The following EIF4A1 variants were observed in gnomAD, a reference collection of about 807,000 sequenced individuals.
The protein encoded by EIF4A1 is eukaryotic initiation factor 4A-I.
In EIF4A1, 11 loss-of-function variants were observed where a neutral mutation model predicts 53.5. The ratio of observed to expected loss-of-function variants is 0.21; its 90% CI spans 0.13 to 0.34. The LOEUF (loss-of-function observed/expected upper bound fraction) is 0.34, where lower values mean the gene tolerates loss of function less well. EIF4A1 is among the 10% of genes least tolerant of loss of function. The pLI is 1.00. For synonymous variants in EIF4A1, 237 were observed against 186.7 expected (o/e 1.27, Z -2.20); for missense variants, 213 against 530.8 (o/e 0.40, Z 5.88).
rs750329330 is a variant in EIF4A1, at chr17:7,577,938, C to T, written c.996+22C>T. The T allele has an allele frequency of 2.5e-6, 4 of 1,613,834 alleles. No individual in the cohort carries two copies. Among genetic ancestry groups the T allele is most frequent in the South Asian group, 1.1e-5 (1 of 91,070 alleles). On this transcript the variant is annotated intron_variant, in intron 9 of 10. Coordinates refer to ENST00000293831, the MANE Select transcript of EIF4A1 (RefSeq NM_001416.4). This position sits in a 1 kb window ranked among gnomAD's most constrained non-coding sequence, Gnocchi z 4.7. ...GCTGGTGAGTAGAGGGAACTGATAG[C>T]AAAGGCAGAAGGGAGGATCCAAGGT...
chr17:7,573,786 G>A (rs561124947), intron 1 of EIF4A1: 28 of 151,334 alleles, frequency 1.9e-4, no homozygotes, highest in South Asian at 1.3e-3. Context: ...GGCAACGCGA[G>A]GGGGGGGCTT....
intron 1 of EIF4A1, 77 bp from the exon 2 acceptor site, chr17:7,574,183 C>A: frequency 6.3e-7 from 1 of 1,579,178 alleles, no homozygotes; most frequent in Non-Finnish European, 8.7e-7. Context: ...GCAGGCCACT[C>A]CTGACAGAGC....
rs1435599098 is a variant in EIF4A1 at position 7,574,429 on chromosome 17, G to GGAGGGTTGTAAGCTCT, written c.73-112_73-97dup. The GGAGGGTTGTAAGCTCT allele has an allele frequency of 4.4e-6, 7 of 1,603,466 alleles. No homozygotes were observed. The African/African-American group carries it at 9.4e-5, about 21-fold the overall frequency. ...GAAGCAGCTGGTTTCCCTAAAGGGA[G>GGAGGGTTGTAAGCTCT]GAGGGTTGTAAGCTCTGAGGCTTTT... is the stretch of plus-strand genomic sequence containing the variant. On this transcript the variant is annotated intron_variant, in intron 2 of 10. Coordinates refer to ENST00000293831, the MANE Select transcript of EIF4A1 (RefSeq NM_001416.4).
At chr17:7,575,325 G>A (rs2071386062) in intron 4 of EIF4A1, 67 bp downstream of exon 4, 1 of 1,607,040 alleles carries the variant, frequency 6.2e-7, no homozygotes, top group Non-Finnish European at 8.5e-7. Flanking sequence ...CCAAGGACCA[G>A]AGAAGTCTTC....
chr17:7,575,405 G>A (rs1311603720), intron 4 of EIF4A1, 147 bp downstream of exon 4: 1 of 1,189,440 alleles, frequency 8.4e-7, no homozygotes, highest in Non-Finnish European at 1.2e-6. Context: ...TTAATTAAAA[G>A]CTATTTCTTA....
rs1241512815 is a variant in EIF4A1 at position 7,574,644 on chromosome 17, C to A, written c.171C>A (p.Ala57=). 1 of 1,612,258 alleles carries A rather than the reference C, an allele frequency of 6.2e-7. No individual in the cohort carries two copies. The highest frequency in any genetic ancestry group is 1.3e-5 in the African/African-American group (1 of 74,844). Reference sequence around the variant, plus strand: ...CGTATGGTTTTGAGAAGCCCTCTGCCATCCAGCAGCGAGCCATTCTACCTT... The same window carrying A: ...CGTATGGTTTTGAGAAGCCCTCTGCAATCCAGCAGCGAGCCATTCTACCTT... ...IYAYGFEKPS[A]IQQRAILPCI... is the part of the protein sequence containing the mutation. The change falls in exon 3 of 11, where the codon GCC becomes GCA. Residue 57 remains alanine (A), a synonymous_variant. Transcript: ENST00000293831.
At chr17:7,573,330 C>T (rs1281266210) in intron 1 of EIF4A1, 2 of 213,386 alleles carry the variant, frequency 9.4e-6, no homozygotes, top group Admixed American at 5.5e-5. Context: ...CCAGTCACTT[C>T]GTCGCGGCTA....
At position 7,577,512 on chromosome 17, in the gene EIF4A1, C is replaced by T. The variant is rs754862238; in HGVS notation, c.768+25C>T. On this transcript the variant is annotated intron_variant, in intron 7 of 10. Coordinates refer to ENST00000293831, the MANE Select transcript of EIF4A1 (RefSeq NM_001416.4). This position sits in a 1 kb window ranked among gnomAD's most constrained non-coding sequence, Gnocchi z 4.7. ...GGTGGGGCCCAGTGCAGGAGGCGGGCCTGGTAGTGAGTTGTTGGGTATAGC... is the reference window on the plus strand; with the variant it reads ...GGTGGGGCCCAGTGCAGGAGGCGGGTCTGGTAGTGAGTTGTTGGGTATAGC... 1 of 1,613,534 alleles carries T rather than the reference C, an allele frequency of 6.2e-7. No individual in the cohort carries two copies. Among genetic ancestry groups the T allele is most frequent in the Non-Finnish European group, 8.5e-7 (1 of 1,179,716 alleles).
At chr17:7,573,779 A>T (rs1192232210) in intron 1 of EIF4A1, 1 of 156,346 alleles carries the variant, frequency 6.4e-6, no homozygotes, top group Non-Finnish European at 1.4e-5. Flanking sequence ...ACATCCGGGC[A>T]ACGCGAGGGG....
chr17:7,576,525 T>C lies in EIF4A1; in HGVS notation c.347T>C (p.Ile116Thr). Residue 116 changes from isoleucine to threonine, a missense_variant and splice_region_variant, in exon 5 of 11, where the codon ATA becomes ACA. Around this residue, in one of 4 missense-constraint regions of EIF4A1, gnomAD observed 119 missense variants for 351.0 expected, o/e 0.34. Coordinates refer to ENST00000293831, the MANE Select transcript of EIF4A1 (RefSeq NM_001416.4). Reference protein sequence around the residue: ...LAPTRELAQQIQKVVMALGDY... With the variant: ...LAPTRELAQQTQKVVMALGDY... ...GAGCACCTGCCTCTCTCTGCTCAGA[T>C]ACAGAAGGTGGTCATGGCACTAGGA... 6.3e-7 allele frequency: 1 copy of C among 1,580,892 alleles called. No homozygotes were observed. Among genetic ancestry groups the C allele is most frequent in the Non-Finnish European group, 8.6e-7 (1 of 1,161,696 alleles).
rs1203289566 is a variant in EIF4A1, at chr17:7,573,971, G to A, written c.24-289G>A. ...CGGGCCCACGTGGACCCGGCGGCAAGCACCACCTCTGGGCACCGTGAGCGC... is the reference window on the plus strand; with the variant it reads ...CGGGCCCACGTGGACCCGGCGGCAAACACCACCTCTGGGCACCGTGAGCGC... On this transcript the variant is annotated intron_variant, in intron 1 of 10. Coordinates refer to ENST00000293831, the MANE Select transcript of EIF4A1 (RefSeq NM_001416.4). 9.2e-6 allele frequency: 4 copies of A among 434,810 alleles called. No individual in the cohort carries two copies. The Admixed American group carries it at 1.2e-4, about 13-fold the overall frequency. 26.9% of individuals were successfully genotyped at this position (434,810 alleles called of 1,614,324 possible).
chr17:7,576,271 A>G (rs898251687), intron 4 of EIF4A1: 5 of 378,830 alleles, frequency 1.3e-5, no homozygotes, highest in African/African-American at 2.1e-5. Context: ...AACTGAATTA[A>G]TTATCTGAGC....
chr17:7,577,322 G>T lies in EIF4A1; in HGVS notation c.625-22G>T. ...CCTCAGGAAGGAACCAGCACTCTAA[G>T]ACTGGCCTTTTTTTCCACTAGGTAG... On this transcript the variant is annotated intron_variant, in intron 6 of 10. Coordinates refer to ENST00000293831, the MANE Select transcript of EIF4A1 (RefSeq NM_001416.4). The surrounding 1 kb of genome is among the most constrained non-coding windows in gnomAD (Gnocchi z 4.7). 2 of 1,613,706 alleles carry T rather than the reference G, an allele frequency of 1.2e-6. No homozygotes were observed. The highest frequency in any genetic ancestry group is 1.7e-6 in the Non-Finnish European group (2 of 1,179,802).
At position 7,578,437 on chromosome 17, in the gene EIF4A1, A is replaced by G; in HGVS notation, c.1172A>G (p.Tyr391Cys). The change falls in exon 11 of 11, where the codon TAC (tyrosine) becomes TGC (cysteine). Residue 391 changes from tyrosine to cysteine, a missense_variant. Coordinates refer to ENST00000293831, the MANE Select transcript of EIF4A1 (RefSeq NM_001416.4). ...ACTCTTCGAGACATTGAGACCTTCT[A>G]CAACACCTCCATTGAGGAAATGCCC... Reference protein sequence around the residue: ...KRTLRDIETFYNTSIEEMPLN... With the variant: ...KRTLRDIETFCNTSIEEMPLN... The G allele has an allele frequency of 6.2e-7, 1 of 1,613,548 alleles. No homozygotes were observed. The highest frequency in any genetic ancestry group is 8.5e-7 in the Non-Finnish European group (1 of 1,179,664).
At chr17:7,578,038 C>T (rs780412671) in intron 9 of EIF4A1, 122 bp downstream of exon 9, 1 of 1,564,152 alleles carries the variant, frequency 6.4e-7, no homozygotes, top group Admixed American at 1.7e-5. Context: ...ATGCCTAAGG[C>T]CTTTGGGGAA....
rs2071403849 is a variant in EIF4A1, at chr17:7,576,506, C to T, written c.346-18C>T. ...ACAGTGGTAACTGACATATGAGCAC[C>T]TGCCTCTCTCTGCTCAGATACAGAA... On this transcript the variant is annotated intron_variant, in intron 4 of 10. Coordinates refer to ENST00000293831, the MANE Select transcript of EIF4A1 (RefSeq NM_001416.4). The T allele has an allele frequency of 1.3e-6, 2 of 1,543,496 alleles. No individual in the cohort carries two copies. The highest frequency in any genetic ancestry group is 1.7e-6 in the Non-Finnish European group (2 of 1,144,420).
At chr17:7,573,045 G>C (rs1260308450) in intron 1 of EIF4A1, among the ~76,000 whole-genome samples, 181 bp downstream of exon 1, 1 of 152,184 alleles carries the variant, frequency 6.6e-6, no homozygotes, top group Non-Finnish European at 1.5e-5. Flanking sequence ...CCAGGTCGAG[G>C]CGGAGGGTAG....
Position 7,572,862 on chromosome 17 carries a change from C to A in EIF4A1, c.21C>A (p.Ser7=). 1.2e-6 allele frequency: 2 copies of A among 1,614,160 alleles called. No homozygotes were observed. Among genetic ancestry groups the A allele is most frequent in the Non-Finnish European group, 1.7e-6 (2 of 1,179,972 alleles). MSASQD[S]RSRDNGPDGM... ...GGATCATGTCTGCGAGCCAGGATTC[C>A]CGGTAAGAAAGGCATTTGCAAGAGA... The change falls in exon 1 of 11, where the codon TCC becomes TCA. Residue 7 remains serine, a splice_region_variant and synonymous_variant. Coordinates refer to ENST00000293831, the MANE Select transcript of EIF4A1 (RefSeq NM_001416.4).
Position 7,577,704 on chromosome 17 carries a change from A to G in EIF4A1, c.904A>G (p.Met302Val). ...MHARDFTVSA[M>V]HGDMDQKERD... ...TGCTCGAGATTTCACTGTATCCGCC[A>G]TGGTGTGTTTGCCCGCTGCCAGCCT... Residue 302 changes from methionine (M) to valine (V), a missense_variant and splice_region_variant, in exon 8 of 11, where the codon ATG becomes GTG. Coordinates refer to ENST00000293831, the MANE Select transcript of EIF4A1 (RefSeq NM_001416.4). This position sits in a 1 kb window ranked among gnomAD's most constrained non-coding sequence, Gnocchi z 4.7. The G allele has an allele frequency of 6.2e-7, 1 of 1,612,828 alleles. No individual in the cohort carries two copies. The highest frequency in any genetic ancestry group is 8.5e-7 in the Non-Finnish European group (1 of 1,179,850).
Sources: allele counts gnomAD v4.1 joint callset (sites outside exome capture counted in the v4.1 genomes callset), GRCh38; gene constraint gnomAD v4.1.1; regional missense constraint gnomAD v4.1.1; non-coding constraint Gnocchi (gnomAD v3.1); transcripts MANE v1.5; gene names NCBI Gene and HGNC (gene_info 2026-07-23, HGNC 2026-07-21).